The following KHDRBS2 variants were observed in gnomAD, a reference collection of about 807,000 sequenced individuals.
KHDRBS2 encodes the protein KH domain-containing, RNA-binding, signal transduction-associated protein 2.
A neutral mutation model predicts 44.3 loss-of-function variants in KHDRBS2; 26 were observed. That is an observed-to-expected ratio of 0.59 (90% confidence interval 0.43 to 0.81). The LOEUF is 0.81. Ranked by LOEUF, KHDRBS2 falls within the 40% of genes least tolerant of loss-of-function variation. The pLI, the probability that KHDRBS2 is intolerant of heterozygous loss-of-function variation, is 0.00. For missense variants in KHDRBS2, 476 were observed against 433.1 expected (o/e 1.10, Z -0.88); for synonymous variants, 194 against 151.1 (o/e 1.28, Z -2.08).
chr6:62,044,871 A>C (rs1409152887), intron 3 of KHDRBS2, among the ~76,000 whole-genome samples: 1 of 152,136 alleles, frequency 6.6e-6, no homozygotes, highest in African/African-American at 2.4e-5. Context: ...AGTTTGGTCA[A>C]GGAGAGTCTT....
rs535478149 is a variant in KHDRBS2 at position 61,828,889 on chromosome 6, A to C, written c.810+65746T>G. 5.9e-5 allele frequency among the ~76,000 whole-genome samples: 9 copies of C among 152,328 alleles called. No homozygotes were observed. In the South Asian group the frequency reaches 1.7e-3, roughly 28 times the overall value. ...AGGTGATGCTTCACATTAGTTTGTC[A>C]AATTAACAAATGAACCTTAAGTTGT... On this transcript the variant is annotated intron_variant, in intron 6 of 8. Coordinates refer to ENST00000281156, the MANE Select transcript of KHDRBS2 (RefSeq NM_152688.4).
At chr6:61,608,501 C>A in the KHDRBS2 span, among the ~76,000 whole-genome samples, 26 of 152,026 alleles carry the variant, frequency 1.7e-4, no homozygotes, top group Admixed American at 1.7e-3. Flanking sequence ...AGGTTTGTTA[C>A]ATAGGTATAC....
chr6:61,853,789 T>C (rs1795789856), intron 6 of KHDRBS2, among the ~76,000 whole-genome samples: 1 of 152,238 alleles, frequency 6.6e-6, no homozygotes, highest in Non-Finnish European at 1.5e-5. Flanking sequence ...CAGTTTTTCA[T>C]ACATCAGCTC....
intron 1 of KHDRBS2, among the ~76,000 whole-genome samples, chr6:62,180,072 C>A (rs1202352710): frequency 6.6e-6 from 1 of 151,740 alleles, no homozygotes. Context: ...GCATAGTAAA[C>A]CATCATCCTC....
intron 8 of KHDRBS2, among the ~76,000 whole-genome samples, chr6:61,683,926 T>G (rs1054876515): frequency 1.3e-5 from 2 of 151,946 alleles, no homozygotes; most frequent in African/African-American, 4.8e-5. Flanking sequence ...GTTTCTAATT[T>G]TCCAAGATTC....
intron 2 of KHDRBS2, among the ~76,000 whole-genome samples, chr6:62,151,021 C>A (rs1195586114): frequency 6.6e-6 from 1 of 152,046 alleles, no homozygotes; most frequent in Non-Finnish European, 1.5e-5. Flanking sequence ...TCACCTCACC[C>A]GTCCCTACCC....
chr6:61,821,950 T>C (rs1789984551), intron 6 of KHDRBS2, among the ~76,000 whole-genome samples: 2 of 152,048 alleles, frequency 1.3e-5, no homozygotes, highest in Non-Finnish European at 2.9e-5. Context: ...AAGACATAGT[T>C]GACCCATTGT....
chr6:61,663,500 CATATATAT>C, the KHDRBS2 span, among the ~76,000 whole-genome samples: 48 of 35,986 alleles, frequency 1.3e-3, 4 homozygotes, highest in South Asian at 2.4e-3. Flanking sequence ...CATGAGACAC[CATATATAT>C]ATATATATAT....
intron 6 of KHDRBS2, among the ~76,000 whole-genome samples, chr6:61,818,217 C>A (rs1715019): frequency 0.23 from 33,323 of 145,950 alleles, 4,548 homozygotes; most frequent in South Asian, 0.35. Context: ...TTAAAAAAGA[C>A]CTTTCAATTG....
the KHDRBS2 span, among the ~76,000 whole-genome samples, chr6:61,573,369 A>G: frequency 6.6e-6 from 1 of 152,204 alleles, no homozygotes; most frequent in Non-Finnish European, 1.5e-5. Flanking sequence ...GGTAGAATCA[A>G]TATTATGAAA....
the KHDRBS2 span, among the ~76,000 whole-genome samples, chr6:61,562,921 G>A: frequency 9.9e-5 from 15 of 152,062 alleles, no homozygotes; most frequent in African/African-American, 1.9e-4. Flanking sequence ...TATATAATGC[G>A]TTATATCTGT....
intron 2 of KHDRBS2, among the ~76,000 whole-genome samples, chr6:62,175,123 A>C (rs1240442375): frequency 6.6e-6 from 1 of 151,714 alleles, no homozygotes; most frequent in Non-Finnish European, 1.5e-5. Context: ...TACTATAAAA[A>C]CCAGAACAAG....
chr6:62,160,280 TA>T (rs753518117), intron 2 of KHDRBS2, among the ~76,000 whole-genome samples: 5 of 152,022 alleles, frequency 3.3e-5, no homozygotes, highest in Admixed American at 1.3e-4. Flanking sequence ...TAGTAAAAGG[TA>T]AGGGGATTGT....
intron 6 of KHDRBS2, among the ~76,000 whole-genome samples, chr6:61,846,088 C>A (rs1422363625): frequency 6.6e-6 from 1 of 152,168 alleles, no homozygotes; most frequent in African/African-American, 2.4e-5. Context: ...TGGCCTTCCG[C>A]CCTGAGTAAA....
At chr6:61,737,353 T>G (rs1775525516) in intron 6 of KHDRBS2, among the ~76,000 whole-genome samples, 1 of 152,096 alleles carries the variant, frequency 6.6e-6, no homozygotes, top group Non-Finnish European at 1.5e-5. Context: ...ATGGGCATAT[T>G]TTTCCAATAC....
At chr6:61,645,449 TG>T in the KHDRBS2 span, among the ~76,000 whole-genome samples, 1 of 149,634 alleles carries the variant, frequency 6.7e-6, no homozygotes, top group East Asian at 2.0e-4. Context: ...AACCTGGACA[TG>T]TACACTTGAA....
chr6:62,146,201 GT>G (rs1384472742), intron 2 of KHDRBS2, among the ~76,000 whole-genome samples: 6 of 151,682 alleles, frequency 4.0e-5, no homozygotes, highest in Non-Finnish European at 7.4e-5. Context: ...TACCCTCAGA[GT>G]ATCATTGATT....
chr6:61,904,562 T>C (rs1358629531), intron 4 of KHDRBS2, among the ~76,000 whole-genome samples: 3 of 152,184 alleles, frequency 2.0e-5, no homozygotes, highest in Non-Finnish European at 4.4e-5. Context: ...ATCCTATTGC[T>C]TCCAAGGCTA....
intron 2 of KHDRBS2, among the ~76,000 whole-genome samples, chr6:62,132,830 C>G (rs922036618): frequency 6.6e-6 from 1 of 152,178 alleles, no homozygotes; most frequent in Admixed American, 6.5e-5. Flanking sequence ...ATTCCAGCAT[C>G]AAGCCCAGAA....
Sources: allele counts gnomAD v4.1 joint callset (sites outside exome capture counted in the v4.1 genomes callset), GRCh38; gene constraint gnomAD v4.1.1; transcripts MANE v1.5; gene names NCBI Gene and HGNC (gene_info 2026-07-23, HGNC 2026-07-21).